The following EPHB2 variants were observed in gnomAD, a reference collection of about 807,000 sequenced individuals.
EPHB2 encodes EPH receptor B2.
Under a neutral mutation model 96.4 loss-of-function variants are expected in EPHB2, and 18 were observed. The ratio of observed to expected loss-of-function variants is 0.19; its 90% CI spans 0.13 to 0.28. The LOEUF (loss-of-function observed/expected upper bound fraction) is 0.28, where lower values mean the gene tolerates loss of function less well. EPHB2 is among the 10% of genes least tolerant of loss of function. EPHB2 has a pLI of 1.00. For synonymous variants in EPHB2, 506 were observed against 534.1 expected, an observed-to-expected ratio of 0.95 and a Z score of 0.72; for missense variants, 989 against 1,355.4, an observed-to-expected ratio of 0.73 and a Z score of 4.25.
chr1:22,773,800 C>T (rs1644410767), intron 1 of EPHB2, among the ~76,000 whole-genome samples: 2 of 152,196 alleles, frequency 1.3e-5, no homozygotes, highest in Admixed American at 6.5e-5. Context: ...ATTTTGCTCC[C>T]ACTACATGGG....
intron 1 of EPHB2, among the ~76,000 whole-genome samples, chr1:22,741,359 G>A (rs1028697253): frequency 9.2e-5 from 14 of 152,142 alleles, no homozygotes; most frequent in South Asian, 4.2e-4. Flanking sequence ...TCCTGGAGCC[G>A]TCTGTTTTCC....
chr1:22,738,410 A>G (rs868231667), intron 1 of EPHB2, among the ~76,000 whole-genome samples: 16 of 152,208 alleles, frequency 1.1e-4, no homozygotes, highest in Admixed American at 1.0e-3. Flanking sequence ...GTCAGGTCCT[A>G]TGCCAAGCTC....
intron 9 of EPHB2, among the ~76,000 whole-genome samples, chr1:22,899,524 G>A (rs992634690): frequency 6.6e-6 from 1 of 152,006 alleles, no homozygotes; most frequent in Non-Finnish European, 1.5e-5. Context: ...AAATAGTTTG[G>A]GGCATATATG....
chr1:22,727,266 A>G (rs1011026489), intron 1 of EPHB2, among the ~76,000 whole-genome samples: 1 of 152,190 alleles, frequency 6.6e-6, no homozygotes, highest in Admixed American at 6.5e-5. Flanking sequence ...CCAGCCAGCT[A>G]CTCCAGCAGT....
At chr1:22,715,610 T>A (rs926426382) in intron 1 of EPHB2, among the ~76,000 whole-genome samples, 6 of 152,244 alleles carry the variant, frequency 3.9e-5, no homozygotes, top group African/African-American at 1.4e-4. Flanking sequence ...GGGCTTAGAT[T>A]TAAAACCTAA....
At chr1:22,807,853 G>A (rs1337594157) in intron 3 of EPHB2, among the ~76,000 whole-genome samples, 1 of 152,214 alleles carries the variant, frequency 6.6e-6, no homozygotes, top group East Asian at 1.9e-4. Context: ...GCAAATTCTG[G>A]CCAGGCACAG....
At chr1:22,788,055 C>T (rs956692955) in intron 3 of EPHB2, among the ~76,000 whole-genome samples, 6 of 152,200 alleles carry the variant, frequency 3.9e-5, no homozygotes, top group Non-Finnish European at 8.8e-5. Flanking sequence ...TAACCTAATC[C>T]AGAAGTGACA....
rs1644251137 is a variant in EPHB2, at chr1:22,762,632, T to C, written c.62-18789T>C. ...GCCCCTTCCCCTCACTGAATCCCAG[T>C]GACCTAGTTGGAAATGAGGATGATT... On this transcript the variant is annotated intron_variant, in intron 1 of 15. Coordinates refer to ENST00000374630, the MANE Select transcript of EPHB2 (RefSeq NM_017449.5). Among the ~76,000 whole-genome samples the C allele has an allele frequency of 1.3e-5, 2 of 152,142 alleles. 1 individual carries two copies. Among genetic ancestry groups the C allele is most frequent in the South Asian group, 4.1e-4 (2 of 4,828 alleles).
At chr1:22,771,849 G>A (rs1644383295) in intron 1 of EPHB2, among the ~76,000 whole-genome samples, 1 of 152,192 alleles carries the variant, frequency 6.6e-6, no homozygotes, top group Admixed American at 6.5e-5. Flanking sequence ...GTGAGATGCA[G>A]CCTGGTATGT....
chr1:22,882,217 G>A (rs961156069), intron 5 of EPHB2, 142 bp from the exon 6 acceptor site: 26 of 1,454,680 alleles, frequency 1.8e-5, no homozygotes, highest in East Asian at 7.4e-5. Context: ...TCGGCTCCCC[G>A]AGACTGGCTC....
intron 1 of EPHB2, among the ~76,000 whole-genome samples, chr1:22,715,232 A>G (rs1017410515): frequency 3.9e-5 from 6 of 152,232 alleles, no homozygotes; most frequent in African/African-American, 9.6e-5. Flanking sequence ...GAGGAAATCA[A>G]GGAGGTCTTC....
intron 3 of EPHB2, among the ~76,000 whole-genome samples, chr1:22,823,969 T>G (rs976463220): frequency 2.0e-5 from 3 of 152,176 alleles, no homozygotes; most frequent in Non-Finnish European, 2.9e-5. Context: ...AGTGGATGTG[T>G]TGGTAGGTTC....
intron 5 of EPHB2, among the ~76,000 whole-genome samples, chr1:22,870,304 C>T (rs1180828158): frequency 6.6e-6 from 1 of 152,088 alleles, no homozygotes; most frequent in Non-Finnish European, 1.5e-5. Context: ...ATTCATGAGT[C>T]GTGCTCATGG....
intron 1 of EPHB2, among the ~76,000 whole-genome samples, chr1:22,750,456 G>A (rs1644044621): frequency 6.6e-6 from 1 of 152,174 alleles, no homozygotes; most frequent in African/African-American, 2.4e-5. Context: ...GTGTCAGACG[G>A]AGCAGGCTCC....
At position 22,916,172 on chromosome 1, in the gene EPHB2, C is replaced by T. The variant is rs1042615699; in HGVS notation, c.*2602C>T. The T allele has an allele frequency of 7.2e-5, 11 of 152,270 alleles. No homozygotes were observed. Among genetic ancestry groups the T allele is most frequent in the African/African-American group, 2.7e-4 (11 of 41,472 alleles). The allele number at this position is 152,270 out of a possible 1,614,324, so 9.4% of individuals were successfully genotyped here. A position where few individuals can be genotyped will look rare whatever the true frequency, so the allele number is the denominator to read the frequency against. On this transcript the variant is annotated 3_prime_UTR_variant, in exon 16 of 16. Transcript: ENST00000374630. This position sits in a 1 kb window ranked among gnomAD's most constrained non-coding sequence, Gnocchi z 4.2. ...CAGCTGTCTCGGCACACAAGGTCAC[C>T]TTCTGGTGGGAGCTGCCCTGATGCT... is the stretch of plus-strand genomic sequence containing the variant.
chr1:22,858,125 G>A lies in EPHB2; in HGVS notation c.812-4912G>A, dbSNP rs958829373. ...TGAAGGAGGAAAAGGAGCCAGCGACGGGAAGAGCAGGGAAAGCCTTCCGGG... is the reference window on the plus strand; with the variant it reads ...TGAAGGAGGAAAAGGAGCCAGCGACAGGAAGAGCAGGGAAAGCCTTCCGGG... On this transcript the variant is annotated intron_variant, in intron 3 of 15. Coordinates refer to ENST00000374630, the MANE Select transcript of EPHB2 (RefSeq NM_017449.5). The surrounding 1 kb of genome is among the most constrained non-coding windows in gnomAD (Gnocchi z 7.7). 1.1e-4 allele frequency among the ~76,000 whole-genome samples: 17 copies of A among 152,152 alleles called. No individual in the cohort carries two copies. The highest frequency in any genetic ancestry group is 2.1e-4 in the Non-Finnish European group (14 of 68,032).
intron 3 of EPHB2, among the ~76,000 whole-genome samples, chr1:22,836,512 T>C (rs180809858): frequency 1.3e-5 from 2 of 152,044 alleles, no homozygotes; most frequent in Admixed American, 6.6e-5. Context: ...CAGGAGGGAG[T>C]GCGTAATGGC....
Position 22,875,663 on chromosome 1 carries a change from G to A in EPHB2, c.1304-6696G>A, listed in dbSNP as rs559991803. On this transcript the variant is annotated intron_variant, in intron 5 of 15. Coordinates refer to ENST00000374630, the MANE Select transcript of EPHB2 (RefSeq NM_017449.5). This position sits in a 1 kb window ranked among gnomAD's most constrained non-coding sequence, Gnocchi z 4.2. The stretch of plus-strand genomic sequence containing the variant: ...CCCTTCCTTCCTCCTTCCTGTCTTC[G>A]TTTCTTCCTCCAGTAAATATTGGTC... Among the ~76,000 whole-genome samples, 9 of 151,306 alleles carry A rather than the reference G, an allele frequency of 5.9e-5. No individual in the cohort carries two copies. The highest frequency in any genetic ancestry group is 1.3e-4 in the Admixed American group (2 of 15,198).
chr1:22,875,554 C>T lies in EPHB2; in HGVS notation c.1304-6805C>T, dbSNP rs2148541231. Among the ~76,000 whole-genome samples, 1 of 152,272 alleles carries T rather than the reference C, an allele frequency of 6.6e-6. No individual in the cohort carries two copies. The highest frequency in any genetic ancestry group is 2.4e-5 in the African/African-American group (1 of 41,564). On this transcript the variant is annotated intron_variant, in intron 5 of 15. Coordinates refer to ENST00000374630, the MANE Select transcript of EPHB2 (RefSeq NM_017449.5). This position sits in a 1 kb window ranked among gnomAD's most constrained non-coding sequence, Gnocchi z 4.2. ...CCACAAGGTCGGTAGACTCGGGTTC[C>T]TGAGGGCGCCAGAAAAGGGGAGAAT...
Sources: gnomAD v4.1 joint callset for allele counts (sites outside exome capture counted in the v4.1 genomes callset) on GRCh38, gnomAD v4.1.1 for gene constraint, Gnocchi (gnomAD v3.1) non-coding constraint, MANE v1.5 for transcripts, NCBI Gene and HGNC (gene_info 2026-07-23, HGNC 2026-07-21) for gene names.